The following TOMM34 variants were observed in gnomAD, a reference collection of about 807,000 sequenced individuals.
TOMM34 encodes translocase of outer mitochondrial membrane 34, also known as mitochondrial import receptor subunit TOM34.
TOMM34 carries 24 observed loss-of-function variants against 37.4 expected under a neutral mutation model. That is an observed-to-expected ratio of 0.64 (90% CI 0.46 to 0.90). The LOEUF (loss-of-function observed/expected upper bound fraction) is 0.90, where lower values mean the gene tolerates loss of function less well. Ranked by LOEUF, TOMM34 falls within the 40% of genes least tolerant of loss-of-function variation. The pLI is 0.00. For missense variants in TOMM34, 304 were observed against 375.6 expected, an observed-to-expected ratio of 0.81 and a Z score of 1.58; for synonymous variants, 154 against 148.9, an observed-to-expected ratio of 1.03 and a Z score of -0.25.
At chr20:44,958,458 G>A (rs1422631598) in intron 1 of TOMM34, 1 of 465,628 alleles carries the variant, frequency 2.1e-6, no homozygotes, top group Admixed American at 2.4e-5. Context: ...CAGCAGTGGT[G>A]CGGTGGAAAG....
intron 5 of TOMM34, among the ~76,000 whole-genome samples, chr20:44,948,166 T>C (rs1310623684): frequency 2.0e-5 from 3 of 152,102 alleles, no homozygotes; most frequent in Non-Finnish European, 2.9e-5. Flanking sequence ...TCCTACACAG[T>C]GAAGGGACCG....
At chr20:44,952,317 T>C (rs539920354) in intron 3 of TOMM34, among the ~76,000 whole-genome samples, 1 of 152,376 alleles carries the variant, frequency 6.6e-6, no homozygotes, top group Admixed American at 6.5e-5. Flanking sequence ...AATCATACAT[T>C]TTGTTTCATA....
In TOMM34 at chr20:44,956,488, G is replaced by A. The variant is rs1298569195; in HGVS notation, c.128-3C>T. The A allele has an allele frequency of 6.2e-7, 1 of 1,613,870 alleles. No homozygotes were observed. Among genetic ancestry groups the A allele is most frequent in the Non-Finnish European group, 8.5e-7 (1 of 1,179,934 alleles). On this transcript the variant is annotated splice_region_variant and splice_polypyrimidine_tract_variant and intron_variant, in intron 1 of 6. Coordinates refer to ENST00000372813, the MANE Select transcript of TOMM34 (RefSeq NM_006809.5). ...TTCTTCTTCTGGGTCTGAAGAACCTGCCCAGATAGAGTGGGGAAGATGATC... is the reference window on the plus strand; with the variant it reads ...TTCTTCTTCTGGGTCTGAAGAACCTACCCAGATAGAGTGGGGAAGATGATC...
Position 44,943,521 on chromosome 20 carries a change from C to T in TOMM34, c.757G>A (p.Ala253Thr), listed in dbSNP as rs2066954108. Residue 253 changes from alanine to threonine, a missense_variant, in exon 6 of 7, where the codon GCC becomes ACC. Transcript: ENST00000372813. The part of the protein sequence containing the change: ...YTEAVKDCTE[A>T]LKLDGKNVKA... ...ACGTTCTTTCCATCCAGCTTGAGGG[C>T]TTCTGTGCAGTCCTTCACTGCTTCT... 8.1e-6 allele frequency: 13 copies of T among 1,614,164 alleles called. No individual in the cohort carries two copies. The highest frequency in any genetic ancestry group is 1.1e-5 in the Non-Finnish European group (13 of 1,180,038).
At position 44,943,591 on chromosome 20, in the gene TOMM34, G is replaced by T; in HGVS notation, c.699-12C>A. 2 of 1,614,016 alleles carry T rather than the reference G, an allele frequency of 1.2e-6. No individual in the cohort carries two copies. Among genetic ancestry groups the T allele is most frequent in the South Asian group, 1.1e-5 (1 of 91,054 alleles). On this transcript the variant is annotated splice_polypyrimidine_tract_variant and intron_variant, in intron 5 of 6. Coordinates refer to ENST00000372813, the MANE Select transcript of TOMM34 (RefSeq NM_006809.5). ...AATAGCAGAGTGCTCTGAAGGGAAA[G>T]ACCATTTCAGAGGTTTCAGTCACGT...
At chr20:44,947,173 G>A (rs1338993737) in intron 5 of TOMM34, among the ~76,000 whole-genome samples, 3 of 152,180 alleles carry the variant, frequency 2.0e-5, no homozygotes, top group Non-Finnish European at 2.9e-5. Flanking sequence ...CACAAATATG[G>A]AACAAATAGG....
chr20:44,946,996 T>C lies in TOMM34; in HGVS notation c.698+1734A>G, dbSNP rs547297106. Among the ~76,000 whole-genome samples the C allele has an allele frequency of 2.0e-5, 3 of 152,196 alleles. No homozygotes were observed. In the South Asian group the frequency reaches 6.2e-4, roughly 32 times the overall value. ...TAAGATATTATAAAGCAAAAGCAATTAAAACAGTGTGGCACAGACACCTGC... is the reference window on the plus strand; with the variant it reads ...TAAGATATTATAAAGCAAAAGCAATCAAAACAGTGTGGCACAGACACCTGC... On this transcript the variant is annotated intron_variant, in intron 5 of 6. Transcript: ENST00000372813.
At chr20:44,943,848 A>G (rs562137041) in intron 5 of TOMM34, among the ~76,000 whole-genome samples, 2 of 152,298 alleles carry the variant, frequency 1.3e-5, no homozygotes, top group South Asian at 2.1e-4. Flanking sequence ...ATGGGACTCC[A>G]GATCCTGATC....
chr20:44,950,084 A>G (rs2067013477), intron 4 of TOMM34, among the ~76,000 whole-genome samples: 1 of 152,204 alleles, frequency 6.6e-6, no homozygotes, highest in African/African-American at 2.4e-5. Context: ...ACAGTCTTCT[A>G]CGAACATTTG....
intron 1 of TOMM34, 127 bp downstream of exon 1, chr20:44,960,080 C>T: frequency 9.3e-7 from 1 of 1,078,414 alleles, no homozygotes; most frequent in South Asian, 1.8e-5. Flanking sequence ...GGTAGGATGC[C>T]GGAGTCGGAA....
chr20:44,955,895 T>C (rs1181912384), intron 2 of TOMM34, among the ~76,000 whole-genome samples: 1 of 152,224 alleles, frequency 6.6e-6, no homozygotes, highest in African/African-American at 2.4e-5. Context: ...AAAAGAATAT[T>C]AGACTGGCTT....
At position 44,943,477 on chromosome 20, in the gene TOMM34, C is replaced by A. The variant is rs983848253; in HGVS notation, c.801G>T (p.Arg267=). 1 of 1,614,106 alleles carries A rather than the reference C, an allele frequency of 6.2e-7. No homozygotes were observed. Residue 267 remains arginine (R), a synonymous_variant, in exon 6 of 7, where the codon CGG becomes CGT. Transcript: ENST00000372813. ...DGKNVKAFYR[R]AQAHKALKDY... is the part of the protein sequence containing the mutation. ...CCTTGAGTGCTTTGTGGGCTTGAGC[C>A]CGTCTGTAGAATGCCTTCACGTTCT...
In TOMM34 at chr20:44,960,040, AGGT is replaced by A. The variant is rs1483911988; in HGVS notation, c.127+164_127+166del. 4.1e-6 allele frequency: 4 copies of A among 978,342 alleles called. No homozygotes were observed. In the African/African-American group the frequency reaches 7.2e-5, roughly 18 times the overall value. The allele number at this position is 978,342 out of a possible 1,614,324, so 60.6% of individuals were successfully genotyped here. On this transcript the variant is annotated intron_variant, in intron 1 of 6. Coordinates refer to ENST00000372813, the MANE Select transcript of TOMM34 (RefSeq NM_006809.5). ...GGGGCCAACAGGGCAGTTAACAAGC[AGGT>A]GGAAAGAAAGGGCCGAGGAAGTTTC...
intron 2 of TOMM34, chr20:44,955,691 C>G (rs1448792808): frequency 4.4e-6 from 2 of 455,406 alleles, no homozygotes; most frequent in Non-Finnish European, 8.8e-6. Context: ...CCGTACCCCA[C>G]AGATTGGTTG....
At chr20:44,959,289 A>G (rs890496509) in intron 1 of TOMM34, among the ~76,000 whole-genome samples, 1 of 152,206 alleles carries the variant, frequency 6.6e-6, no homozygotes, top group Non-Finnish European at 1.5e-5. Flanking sequence ...TTCAAAAGTC[A>G]AGGCTTTAAC....
At chr20:44,956,027 G>A (rs2067069308) in intron 2 of TOMM34, among the ~76,000 whole-genome samples, 1 of 150,966 alleles carries the variant, frequency 6.6e-6, no homozygotes, top group Non-Finnish European at 1.5e-5. Flanking sequence ...TCTTTCCTTC[G>A]CTCCCTTCCC....
intron 3 of TOMM34, among the ~76,000 whole-genome samples, chr20:44,954,606 C>G (rs1349196811): frequency 6.6e-6 from 1 of 152,174 alleles, no homozygotes; most frequent in Non-Finnish European, 1.5e-5. Context: ...GGAATTGCAC[C>G]TGGGGAACCT....
chr20:44,946,458 G>T (rs1236211091), intron 5 of TOMM34, among the ~76,000 whole-genome samples: 2 of 152,176 alleles, frequency 1.3e-5, no homozygotes, highest in Non-Finnish European at 2.9e-5. Context: ...ATAAGCTTTG[G>T]AGTCACAAAG....
At chr20:44,954,008 C>T (rs1264060693) in intron 3 of TOMM34, among the ~76,000 whole-genome samples, 1 of 152,254 alleles carries the variant, frequency 6.6e-6, no homozygotes, top group African/African-American at 2.4e-5. Flanking sequence ...CTCCTGCCTG[C>T]AGCACCATGT....
Sources: gnomAD v4.1 joint callset for allele counts (sites outside exome capture counted in the v4.1 genomes callset) on GRCh38, gnomAD v4.1.1 for gene constraint, MANE v1.5 for transcripts, NCBI Gene and HGNC (gene_info 2026-07-23, HGNC 2026-07-21) for gene names.